Variants in LRRFIP2 observed in about 807,000 individuals in gnomAD.
LRRFIP2 encodes the protein LRR binding FLII interacting protein 2.
In LRRFIP2, 109 loss-of-function variants were observed where a neutral mutation model predicts 125.9. The ratio of observed to expected loss-of-function variants is 0.87; its 90% CI spans 0.74 to 1.01. The LOEUF (loss-of-function observed/expected upper bound fraction) is 1.01. Among genes scored for constraint, LRRFIP2 ranks in the 50% least tolerant of loss-of-function variants. LRRFIP2 has a pLI of 0.00. For synonymous variants in LRRFIP2, 291 were observed against 293.1 expected (o/e 0.99, Z 0.07); for missense variants, 850 against 862.3 (o/e 0.99, Z 0.18).
intron 1 of LRRFIP2, among the ~76,000 whole-genome samples, chr3:37,167,246 A>AGAT (rs1271450404): frequency 6.6e-6 from 1 of 152,046 alleles, no homozygotes; most frequent in African/African-American, 2.4e-5. Context: ...GAAAAAGAAA[A>AGAT]GATGCACAAT....
intron 16 of LRRFIP2, among the ~76,000 whole-genome samples, chr3:37,096,398 A>T (rs1459693952): frequency 1.3e-5 from 2 of 152,192 alleles, no homozygotes; most frequent in Non-Finnish European, 2.9e-5. Flanking sequence ...AAAGCTAAAG[A>T]GGTGACATTC....
At chr3:37,064,212 TAGAGA>T (rs948878046) in intron 23 of LRRFIP2, 2 of 159,500 alleles carry the variant, frequency 1.3e-5, no homozygotes, top group African/African-American at 2.4e-5. Context: ...CAAAGGAAGC[TAGAGA>T]AGAGAAAAGA....
At chr3:37,124,811 AC>A (rs1187173580) in intron 4 of LRRFIP2, among the ~76,000 whole-genome samples, 1 of 152,236 alleles carries the variant, frequency 6.6e-6, no homozygotes, top group Non-Finnish European at 1.5e-5. Flanking sequence ...CTCTGGAAGA[AC>A]AAAAAGCTTC....
rs1223979576 is a variant in LRRFIP2 at position 37,108,086 on chromosome 3, C to A, written c.701G>T (p.Arg234Leu). ...SYYSSRISSA[R>L]SSPGFTNDDT... ...TAGACAGCTCACCCCTGGACTGCTTCGGGCTGAACTTATTCTTGATGAATA... is the reference window on the plus strand; with the variant it reads ...TAGACAGCTCACCCCTGGACTGCTTAGGGCTGAACTTATTCTTGATGAATA... Residue 234 changes from arginine to leucine, a missense_variant, in exon 13 of 28, where the codon CGA (arginine) becomes CTA (leucine). Arg to Leu is a moderately radical substitution (Grantham distance 102). Transcript: ENST00000336686. The A allele has an allele frequency of 6.2e-7, 1 of 1,613,706 alleles. No individual in the cohort carries two copies. The highest frequency in any genetic ancestry group is 8.5e-7 in the Non-Finnish European group (1 of 1,179,828).
At chr3:37,114,952 T>A in intron 7 of LRRFIP2, 102 bp downstream of exon 7, 1 of 933,264 alleles carries the variant, frequency 1.1e-6, no homozygotes, top group East Asian at 2.5e-5. Flanking sequence ...TCCCCAAAAG[T>A]TCATAACAAA....
At position 37,108,819 on chromosome 3, in the gene LRRFIP2, C is replaced by T. The variant is rs2094446157; in HGVS notation, c.610-135G>A. ...AGTGTATAGCCTCCCAGAATGAAAA[C>T]CCTGAAGGCGGTAATACTCATTTAT... On this transcript the variant is annotated intron_variant, in intron 11 of 27. Coordinates refer to ENST00000336686, the MANE Select transcript of LRRFIP2 (RefSeq NM_006309.4). 9.8e-6 allele frequency: 6 copies of T among 612,982 alleles called. No homozygotes were observed. The Admixed American group carries it at 1.5e-4, about 15-fold the overall frequency. The allele number at this position is 612,982 out of a possible 1,614,324, so 38.0% of individuals were successfully genotyped here. A position where few individuals can be genotyped will look rare whatever the true frequency, so the allele number is the denominator to read the frequency against.
chr3:37,152,768 T>C (rs1447511824), intron 1 of LRRFIP2, among the ~76,000 whole-genome samples: 1 of 152,158 alleles, frequency 6.6e-6, no homozygotes, highest in Non-Finnish European at 1.5e-5. Flanking sequence ...ATGGTAGTGG[T>C]GCATGCAAAT....
At position 37,052,976 on chromosome 3, in the gene LRRFIP2, A is replaced by G. The variant is rs773429575; in HGVS notation, c.*875T>C. On this transcript the variant is annotated 3_prime_UTR_variant, in exon 28 of 28. Transcript: ENST00000336686. ...GCCATGATTTGTTTTAAAGTCTCCT[A>G]TAACAAAATGAACATGTCAGTAGCC... 1 of 152,540 alleles carries G rather than the reference A, an allele frequency of 6.6e-6. No homozygotes were observed. Among genetic ancestry groups the G allele is most frequent in the Non-Finnish European group, 1.5e-5 (1 of 68,046 alleles). 9.4% of individuals were successfully genotyped at this position (152,540 alleles called of 1,614,324 possible).
chr3:37,156,110 A>G (rs1184989770), intron 1 of LRRFIP2, among the ~76,000 whole-genome samples: 2 of 152,086 alleles, frequency 1.3e-5, no homozygotes, highest in Non-Finnish European at 2.9e-5. Flanking sequence ...CCTGGGCTCG[A>G]GCAATCCACC....
chr3:37,134,911 G>C (rs1010648141), intron 2 of LRRFIP2: 27 of 1,354,250 alleles, frequency 2.0e-5, no homozygotes, highest in Middle Eastern at 2.6e-4. Context: ...GGCAGCATTT[G>C]TCTCGATATT....
intron 2 of LRRFIP2, among the ~76,000 whole-genome samples, chr3:37,137,533 A>G (rs1290687028): frequency 6.6e-6 from 1 of 152,200 alleles, no homozygotes; most frequent in African/African-American, 2.4e-5. Flanking sequence ...TCTCTTTTCT[A>G]TGAAATAATA....
intron 19 of LRRFIP2, among the ~76,000 whole-genome samples, chr3:37,079,078 T>C (rs944804436): frequency 5.3e-5 from 8 of 152,092 alleles, no homozygotes; most frequent in African/African-American, 1.9e-4. Flanking sequence ...ATATCTAGAA[T>C]ATATAAACCT....
At chr3:37,071,991 TAATTAC>T (rs2148876542) in intron 21 of LRRFIP2, among the ~76,000 whole-genome samples, 1 of 152,332 alleles carries the variant, frequency 6.6e-6, no homozygotes, top group East Asian at 1.9e-4. Context: ...TCTGTGGTTA[TAATTAC>T]AGACAGCCAC....
At position 37,065,904 on chromosome 3, in the gene LRRFIP2, A is replaced by G; in HGVS notation, c.1605T>C (p.Asn535=). Residue 535 remains asparagine, a synonymous_variant, in exon 23 of 28, where the codon AAT becomes AAC. Coordinates refer to ENST00000336686, the MANE Select transcript of LRRFIP2 (RefSeq NM_006309.4). ...GLVIIPDGTP[N]GDVSHEPVAG... is the part of the protein sequence containing the mutation. ...CCACTGGTTCATGACTGACATCACCATTGGGAGTGCCATCGGGGATTATAA... is the reference window on the plus strand; with the variant it reads ...CCACTGGTTCATGACTGACATCACCGTTGGGAGTGCCATCGGGGATTATAA... The G allele has an allele frequency of 6.2e-7, 1 of 1,614,156 alleles. No individual in the cohort carries two copies.
chr3:37,147,709 C>A (rs1484545000), intron 2 of LRRFIP2, among the ~76,000 whole-genome samples: 1 of 152,142 alleles, frequency 6.6e-6, no homozygotes, highest in African/African-American at 2.4e-5. Context: ...GGTAATAATT[C>A]TCACCAAAAG....
chr3:37,094,361 C>T (rs1299384836), intron 17 of LRRFIP2, among the ~76,000 whole-genome samples: 1 of 152,160 alleles, frequency 6.6e-6, no homozygotes, highest in Non-Finnish European at 1.5e-5. Flanking sequence ...AATATTATTA[C>T]ACTTCTATTA....
At chr3:37,100,435 C>CATAT in intron 15 of LRRFIP2, among the ~76,000 whole-genome samples, 1 of 122,494 alleles carries the variant, frequency 8.2e-6, no homozygotes, top group Non-Finnish European at 1.9e-5. Flanking sequence ...TATATGTATA[C>CATAT]ACATGTGTGT....
At chr3:37,078,786 C>T (rs1297450806) in intron 19 of LRRFIP2, among the ~76,000 whole-genome samples, 1 of 152,038 alleles carries the variant, frequency 6.6e-6, no homozygotes, top group African/African-American at 2.4e-5. Flanking sequence ...CAAGATGAGA[C>T]TGGGACATCT....
chr3:37,153,264 G>A (rs991027968), intron 1 of LRRFIP2, among the ~76,000 whole-genome samples: 3 of 152,018 alleles, frequency 2.0e-5, no homozygotes, highest in Non-Finnish European at 2.9e-5. Flanking sequence ...GGTGGCACAC[G>A]CCTGTAGTTC....
Sources: gnomAD v4.1 joint callset for allele counts (sites outside exome capture counted in the v4.1 genomes callset) on GRCh38, gnomAD v4.1.1 for gene constraint, MANE v1.5 for transcripts, NCBI Gene and HGNC (gene_info 2026-07-23, HGNC 2026-07-21) for gene names.